EPS8: variants seen among roughly 807,000 people sequenced by gnomAD.
The protein encoded by EPS8 is epidermal growth factor receptor kinase substrate 8.
In EPS8, 42 loss-of-function variants were observed where a neutral mutation model predicts 103.8. The ratio of observed to expected loss-of-function variants is 0.40; its 90% CI spans 0.32 to 0.52. EPS8 has a LOEUF of 0.52. EPS8 is among the 20% of genes least tolerant of loss of function. The probability of loss-of-function intolerance (pLI) is 0.40; values close to 1 mark genes in which losing one functional copy is unlikely to be tolerated. For synonymous variants in EPS8, 344 were observed against 344.6 expected, an observed-to-expected ratio of 1.00 and a Z score of 0.02; for missense variants, 969 against 1,005.1, an observed-to-expected ratio of 0.96 and a Z score of 0.49.
In EPS8 at chr12:15,733,878, A is replaced by G. The variant is rs1426241449; in HGVS notation, c.-21-50906T>C. Among the ~76,000 whole-genome samples, 2 of 152,110 alleles carry G rather than the reference A, an allele frequency of 1.3e-5. No homozygotes were observed. Among genetic ancestry groups the G allele is most frequent in the East Asian group, 3.9e-4 (2 of 5,190 alleles). ...ATACATTTTTATTTTTATTTTCTTGAAAAAGGGTCTCACTCTGTCACCCAG... is the reference window on the plus strand; with the variant it reads ...ATACATTTTTATTTTTATTTTCTTGGAAAAGGGTCTCACTCTGTCACCCAG... On this transcript the variant is annotated intron_variant, in intron 1 of 20. Coordinates refer to ENST00000281172, the MANE Select transcript of EPS8 (RefSeq NM_004447.6). This position sits in a 1 kb window ranked among gnomAD's most constrained non-coding sequence, Gnocchi z 4.8.
chr12:15,735,091 G>A lies in EPS8; in HGVS notation c.-21-52119C>T, dbSNP rs11056613. ...TTCATGGATAACTGTAGTATTCCCAGGTACATGCAAATGACAAAGTTTCCA... is the reference window on the plus strand; with the variant it reads ...TTCATGGATAACTGTAGTATTCCCAAGTACATGCAAATGACAAAGTTTCCA... On this transcript the variant is annotated intron_variant, in intron 1 of 20. Transcript: ENST00000281172. This position sits in a 1 kb window ranked among gnomAD's most constrained non-coding sequence, Gnocchi z 4.4. 0.054 allele frequency among the ~76,000 whole-genome samples: 8,167 copies of A among 152,082 alleles called. 683 individuals carry two copies. The highest frequency in any genetic ancestry group is 0.18 in the African/African-American group (7,490 of 41,462).
At chr12:15,657,911 A>T in intron 12 of EPS8, 168 bp downstream of exon 12, 1 of 592,914 alleles carries the variant, frequency 1.7e-6, no homozygotes, top group Non-Finnish European at 3.0e-6. Flanking sequence ...GATGATTTAC[A>T]GGGTTCTTTT....
At chr12:15,657,733 G>T (rs1945532587) in intron 12 of EPS8, among the ~76,000 whole-genome samples, 1 of 152,170 alleles carries the variant, frequency 6.6e-6, no homozygotes. Context: ...GACTTCTCAT[G>T]ATTATTTTGT....
rs1346632730 is a variant in EPS8, at chr12:15,696,332, GA to G, written c.-21-13361del. 6.6e-6 allele frequency among the ~76,000 whole-genome samples: 1 copy of G among 152,058 alleles called. No individual in the cohort carries two copies. The highest frequency in any genetic ancestry group is 1.5e-5 in the Non-Finnish European group (1 of 68,012). ...AAATCTATAAAACACTAACTTTAGA[GA>G]CTTTCCAAGTTTAAGAACATGGACT... is the stretch of plus-strand genomic sequence containing the variant. On this transcript the variant is annotated intron_variant, in intron 1 of 20. Transcript: ENST00000281172. This position sits in a 1 kb window ranked among gnomAD's most constrained non-coding sequence, Gnocchi z 4.8.
intron 12 of EPS8, among the ~76,000 whole-genome samples, chr12:15,656,987 A>G (rs1945518152): frequency 6.6e-6 from 1 of 152,102 alleles, no homozygotes; most frequent in African/African-American, 2.4e-5. Flanking sequence ...TATTTTAATA[A>G]TGACCCTAGC....
chr12:15,690,607 G>A lies in EPS8; in HGVS notation c.-21-7635C>T, dbSNP rs143155475. Reference sequence around the variant, plus strand: ...GTCTGCTCTATTTTAGTAATACATGGTTTTACAGATCCAATGGCCAGCAGA... The same window carrying A: ...GTCTGCTCTATTTTAGTAATACATGATTTTACAGATCCAATGGCCAGCAGA... On this transcript the variant is annotated intron_variant, in intron 1 of 20. Transcript: ENST00000281172. The surrounding 1 kb of genome is among the most constrained non-coding windows in gnomAD (Gnocchi z 4.7). 6.7e-4 allele frequency among the ~76,000 whole-genome samples: 102 copies of A among 152,208 alleles called. 1 individual carries two copies. The highest frequency in any genetic ancestry group is 2.2e-3 in the African/African-American group (93 of 41,520).
intron 17 of EPS8, among the ~76,000 whole-genome samples, chr12:15,636,035 G>A (rs1403716764): frequency 6.6e-6 from 1 of 152,188 alleles, no homozygotes; most frequent in Non-Finnish European, 1.5e-5. Flanking sequence ...AACATCACGG[G>A]AGGAGGTGGT....
rs1945864749 is a variant in EPS8 at position 15,674,238 on chromosome 12, T to G, written c.137-3315A>C. On this transcript the variant is annotated intron_variant, in intron 3 of 20. Transcript: ENST00000281172. Reference sequence around the variant, plus strand: ...TCAAAGATACAGCTAATATTTAGAATTTTTTTTCTCTTTCTCTAAAAACAA... The same window carrying G: ...TCAAAGATACAGCTAATATTTAGAAGTTTTTTTCTCTTTCTCTAAAAACAA... 2.6e-5 allele frequency among the ~76,000 whole-genome samples: 4 copies of G among 152,050 alleles called. No homozygotes were observed. The South Asian group carries it at 8.3e-4, about 31-fold the overall frequency.
In EPS8 at chr12:15,621,070, A is replaced by G. The variant is rs1348366797; in HGVS notation, c.*247T>C. Reference sequence around the variant, plus strand: ...TAAAATAATTAGTCTAATTAAGGAAACTTCACCTTGGTAAAGTAAGAAAAA... The same window carrying G: ...TAAAATAATTAGTCTAATTAAGGAAGCTTCACCTTGGTAAAGTAAGAAAAA... On this transcript the variant is annotated 3_prime_UTR_variant, in exon 21 of 21. Coordinates refer to ENST00000281172, the MANE Select transcript of EPS8 (RefSeq NM_004447.6). 2.7e-6 allele frequency: 1 copy of G among 372,792 alleles called. No individual in the cohort carries two copies. The highest frequency in any genetic ancestry group is 2.1e-5 in the African/African-American group (1 of 46,990). 23.1% of individuals were successfully genotyped at this position (372,792 alleles called of 1,614,324 possible). A position where few individuals can be genotyped will look rare whatever the true frequency, so the allele number is the denominator to read the frequency against.
At position 15,729,172 on chromosome 12, in the gene EPS8, C is replaced by CTTCCCATTG. The variant is rs1257202216; in HGVS notation, c.-21-46209_-21-46201dup. Among the ~76,000 whole-genome samples the CTTCCCATTG allele has an allele frequency of 3.9e-5, 6 of 152,242 alleles. No homozygotes were observed. In the East Asian group the frequency reaches 1.2e-3, roughly 29 times the overall value. On this transcript the variant is annotated intron_variant, in intron 1 of 20. Transcript: ENST00000281172. ...AAGTCACCCCCCGACCTGTCAAAAT[C>CTTCCCATTG]TTCCCATTGTCTTTGAATTTCTGCA...
intron 1 of EPS8, among the ~76,000 whole-genome samples, chr12:15,726,223 A>C (rs1217097549): frequency 3.3e-5 from 5 of 152,118 alleles, no homozygotes; most frequent in Admixed American, 1.3e-4. Context: ...GATGAAGGAC[A>C]TGTTGAGGAA....
chr12:15,640,603 A>C (rs1945211684), intron 17 of EPS8, 100 bp downstream of exon 17: 9 of 1,050,538 alleles, frequency 8.6e-6, no homozygotes, highest in South Asian at 2.0e-5. Context: ...AACCAACTAC[A>C]TCTCAAAATG....
chr12:15,655,217 A>T (rs1224482588), intron 12 of EPS8, among the ~76,000 whole-genome samples: 2 of 151,956 alleles, frequency 1.3e-5, no homozygotes, highest in Non-Finnish European at 1.5e-5. Flanking sequence ...TCAGGTCCCA[A>T]CTCTTGTGAA....
chr12:15,654,518 C>T, intron 12 of EPS8: 1 of 548,462 alleles, frequency 1.8e-6, no homozygotes, highest in East Asian at 3.2e-5. Context: ...TAACAACTTT[C>T]ACAGCATCTG....
intron 8 of EPS8, among the ~76,000 whole-genome samples, chr12:15,663,108 G>A (rs919886767): frequency 6.6e-6 from 1 of 151,988 alleles, no homozygotes; most frequent in East Asian, 1.9e-4. Flanking sequence ...AATCTTGCCA[G>A]TTAGCTACTA....
At position 15,728,518 on chromosome 12, in the gene EPS8, T is replaced by C. The variant is rs1238705563; in HGVS notation, c.-21-45546A>G. On this transcript the variant is annotated intron_variant, in intron 1 of 20. Transcript: ENST00000281172. The surrounding 1 kb of genome is among the most constrained non-coding windows in gnomAD (Gnocchi z 4.5). ...ACACAGCAACAATAATAAGGAACACTCTCCCGGGTGCTGAGTCATTAATAG... is the reference window on the plus strand; with the variant it reads ...ACACAGCAACAATAATAAGGAACACCCTCCCGGGTGCTGAGTCATTAATAG... Among the ~76,000 whole-genome samples, 1 of 152,124 alleles carries C rather than the reference T, an allele frequency of 6.6e-6. No individual in the cohort carries two copies. Among genetic ancestry groups the C allele is most frequent in the Non-Finnish European group, 1.5e-5 (1 of 68,026 alleles).
chr12:15,661,950 G>A, intron 9 of EPS8, 76 bp downstream of exon 9: 2 of 1,052,720 alleles, frequency 1.9e-6, no homozygotes, highest in South Asian at 2.8e-5. Flanking sequence ...ATTTAAATCA[G>A]CTTCATTTTC....
intron 1 of EPS8, among the ~76,000 whole-genome samples, chr12:15,753,439 CG>C (rs1359950898): frequency 1.3e-5 from 2 of 152,060 alleles, no homozygotes; most frequent in African/African-American, 4.8e-5. Context: ...CTGGACAAAT[CG>C]TAAGACCTGT....
At chr12:15,766,779 G>C (rs1306494749) in intron 1 of EPS8, among the ~76,000 whole-genome samples, 3 of 152,034 alleles carry the variant, frequency 2.0e-5, no homozygotes, top group African/African-American at 7.3e-5. Context: ...TTTCATCCAG[G>C]CTTAAGCATA....
Sources: gnomAD v4.1 joint callset for allele counts (sites outside exome capture counted in the v4.1 genomes callset) on GRCh38, gnomAD v4.1.1 for gene constraint, Gnocchi (gnomAD v3.1) non-coding constraint, MANE v1.5 for transcripts, NCBI Gene and HGNC (gene_info 2026-07-23, HGNC 2026-07-21) for gene names.